Variants in AXDND1 observed in about 807,000 individuals in gnomAD.
AXDND1 encodes the protein axonemal dynein light chain domain-containing protein 1.
A neutral mutation model predicts 137.5 loss-of-function variants in AXDND1; 110 were observed. That is an observed-to-expected ratio of 0.80 (90% CI 0.69 to 0.94). AXDND1 has a LOEUF of 0.94. Ranked by LOEUF, AXDND1 falls within the 40% of genes least tolerant of loss-of-function variation. The pLI, the probability that AXDND1 is intolerant of heterozygous loss-of-function variation, is 0.00. For synonymous variants in AXDND1, 414 were observed against 399.7 expected, an observed-to-expected ratio of 1.04 and a Z score of -0.43; for missense variants, 1,191 against 1,169.8, an observed-to-expected ratio of 1.02 and a Z score of -0.26.
At chr1:179,550,862 T>G (rs926346402) in intron 25 of AXDND1, 8 of 405,520 alleles carry the variant, frequency 2.0e-5, no homozygotes, top group African/African-American at 1.6e-4. Context: ...AAGGGACATC[T>G]GAACCAAGTT....
At position 179,483,159 on chromosome 1, in the gene AXDND1, C is replaced by T; in HGVS notation, c.2029C>T (p.Gln677Ter). The T allele has an allele frequency of 6.2e-7, 1 of 1,608,948 alleles. No individual in the cohort carries two copies. The highest frequency in any genetic ancestry group is 1.7e-4 in the Middle Eastern group (1 of 6,060). ...VLQAYIFNMI[Q>*]QWLLKIGNEI... ...CCAAGCGTATATATTTAACATGATTCAACAATGGCTTTTGAAGATAGGCAA... is the reference window on the plus strand; with the variant it reads ...CCAAGCGTATATATTTAACATGATTTAACAATGGCTTTTGAAGATAGGCAA... Residue 677 changes from glutamine (Q) to a stop codon, truncating the protein, a stop_gained, in exon 18 of 26, where the codon CAA becomes TAA. Transcript: ENST00000367618. LOFTEE classifies it high-confidence loss of function.
intron 21 of AXDND1, among the ~76,000 whole-genome samples, chr1:179,511,395 T>TGC (rs542515272): frequency 7.8e-6 from 1 of 128,518 alleles, no homozygotes; most frequent in African/African-American, 3.2e-5. Flanking sequence ...GTATATGGGG[T>TGC]GTGTGTGTGT....
intron 23 of AXDND1, among the ~76,000 whole-genome samples, chr1:179,533,299 T>C (rs925358285): frequency 1.3e-5 from 2 of 151,936 alleles, no homozygotes; most frequent in South Asian, 4.2e-4. Context: ...CTATATTTTC[T>C]TTGCCTGGCA....
intron 12 of AXDND1, among the ~76,000 whole-genome samples, chr1:179,422,307 C>T (rs1655885351): frequency 6.8e-6 from 1 of 147,266 alleles, no homozygotes; most frequent in Non-Finnish European, 1.5e-5. Context: ...TTTACTGTAT[C>T]CCATAGATTT....
chr1:179,451,484 G>T (rs1212125116), intron 16 of AXDND1: 2 of 152,152 alleles, frequency 1.3e-5, no homozygotes, highest in East Asian at 3.9e-4. Context: ...CAATTTTGTG[G>T]ATCTTTTCAA....
intron 13 of AXDND1, 148 bp downstream of exon 13, chr1:179,429,767 G>T: frequency 2.4e-6 from 1 of 421,432 alleles, no homozygotes; most frequent in Non-Finnish European, 4.1e-6. Context: ...CTATGGGAAG[G>T]TGAATAAAGG....
intron 16 of AXDND1, chr1:179,456,524 C>T (rs1661429683): frequency 1.3e-6 from 1 of 774,754 alleles, no homozygotes; most frequent in African/African-American, 1.7e-5. Context: ...TTCCATAACC[C>T]TGTCCAACAC....
chr1:179,526,708 A>C (rs758726332), intron 22 of AXDND1, among the ~76,000 whole-genome samples: 1 of 152,240 alleles, frequency 6.6e-6, no homozygotes, highest in Non-Finnish European at 1.5e-5. Context: ...AGCCTATTTC[A>C]ATCAGCATTT....
At chr1:179,502,562 TAAAAA>T (rs35740934) in intron 20 of AXDND1, among the ~76,000 whole-genome samples, 13 of 81,080 alleles carry the variant, frequency 1.6e-4, no homozygotes, top group Non-Finnish European at 2.1e-4. Flanking sequence ...AAACTCTGTC[TAAAAA>T]AAAAAAAAAA....
At chr1:179,437,069 GA>G (rs35702478) in intron 15 of AXDND1, among the ~76,000 whole-genome samples, 2,881 of 100,714 alleles carry the variant, frequency 0.029, 65 homozygotes, top group African/African-American at 0.082. Flanking sequence ...GACACTCACT[GA>G]AAAAAAAAAA....
At chr1:179,487,676 T>C (rs1666231751) in intron 18 of AXDND1, among the ~76,000 whole-genome samples, 1 of 148,148 alleles carries the variant, frequency 6.8e-6, no homozygotes, top group Non-Finnish European at 1.5e-5. Context: ...AAATACATCA[T>C]TAGAATGATA....
chr1:179,467,328 G>A (rs781095520), intron 16 of AXDND1, among the ~76,000 whole-genome samples: 7 of 151,930 alleles, frequency 4.6e-5, no homozygotes, highest in South Asian at 2.1e-4. Context: ...TGATAAAATG[G>A]CAATACTTAT....
chr1:179,495,896 C>CTTTTT (rs34788199), intron 20 of AXDND1, among the ~76,000 whole-genome samples: 45 of 116,382 alleles, frequency 3.9e-4, no homozygotes, highest in African/African-American at 8.7e-4. Context: ...GCTGAAAATT[C>CTTTTT]TTTTTTTTTT....
intron 17 of AXDND1, among the ~76,000 whole-genome samples, chr1:179,471,921 G>C (rs982789443): frequency 6.6e-6 from 1 of 151,102 alleles, no homozygotes; most frequent in Non-Finnish European, 1.5e-5. Flanking sequence ...TTGAGATGGA[G>C]TCTCGCTCTG....
intron 17 of AXDND1, among the ~76,000 whole-genome samples, chr1:179,470,139 T>C (rs1329907209): frequency 6.6e-6 from 1 of 152,186 alleles, no homozygotes; most frequent in Admixed American, 6.5e-5. Context: ...GATTTATTTC[T>C]GAATGATTAA....
At chr1:179,413,168 T>C (rs951294696) in intron 12 of AXDND1, among the ~76,000 whole-genome samples, 3 of 149,264 alleles carry the variant, frequency 2.0e-5, no homozygotes, top group African/African-American at 7.3e-5. Flanking sequence ...AACATTTACA[T>C]ACACTCGTGA....
Position 179,432,281 on chromosome 1 carries a change from T to C in AXDND1, c.1502T>C (p.Leu501Ser). Reference sequence around the variant, plus strand: ...CTTCTTTTCAGTGAAAAAGACATTTTATCCCCTAATAAGGGAAATATATTT... The same window carrying C: ...CTTCTTTTCAGTGAAAAAGACATTTCATCCCCTAATAAGGGAAATATATTT... ...WQEFFNEKDI[L>S]SPNKGNIFNS... Residue 501 changes from leucine to serine, a missense_variant, in exon 15 of 26, where the codon TTA becomes TCA. Coordinates refer to ENST00000367618, the MANE Select transcript of AXDND1 (RefSeq NM_144696.6). 6.4e-7 allele frequency: 1 copy of C among 1,558,708 alleles called. No homozygotes were observed. Among genetic ancestry groups the C allele is most frequent in the East Asian group, 2.3e-5 (1 of 43,736 alleles).
At chr1:179,472,776 T>G (rs1664124183) in intron 17 of AXDND1, among the ~76,000 whole-genome samples, 1 of 152,210 alleles carries the variant, frequency 6.6e-6, no homozygotes, top group Non-Finnish European at 1.5e-5. Context: ...ACTTTTTAAA[T>G]TTTAAAATCT....
intron 15 of AXDND1, among the ~76,000 whole-genome samples, chr1:179,437,533 T>C (rs1274744691): frequency 6.6e-6 from 1 of 152,196 alleles, no homozygotes; most frequent in Non-Finnish European, 1.5e-5. Context: ...AGTGGAATGC[T>C]GAGTTGGTCA....
Sources: gnomAD v4.1 joint callset for allele counts (sites outside exome capture counted in the v4.1 genomes callset) on GRCh38, gnomAD v4.1.1 for gene constraint, MANE v1.5 for transcripts, NCBI Gene and HGNC (gene_info 2026-07-23, HGNC 2026-07-21) for gene names.